The following SORCS2 variants were observed in gnomAD, a reference collection of about 807,000 sequenced individuals.
SORCS2 encodes sortilin related VPS10 domain containing receptor 2.
In SORCS2, 100 loss-of-function variants were observed where a neutral mutation model predicts 141.6. The ratio of observed to expected loss-of-function variants is 0.71; its 90% CI spans 0.60 to 0.83. The LOEUF (loss-of-function observed/expected upper bound fraction) is 0.83. Ranked by LOEUF, SORCS2 falls within the 40% of genes least tolerant of loss-of-function variation. The probability of loss-of-function intolerance (pLI) is 0.00; values close to 1 mark genes in which losing one functional copy is unlikely to be tolerated. For missense variants in SORCS2, 1,646 were observed against 1,560.2 expected (o/e 1.05, Z -0.93); for synonymous variants, 789 against 676.9 (o/e 1.17, Z -2.57).
chr4:7,689,398 C>A, intron 10 of SORCS2, 88 bp from the exon 11 acceptor site: 1 of 1,308,712 alleles, frequency 7.6e-7, no homozygotes, highest in Non-Finnish European at 1.1e-6. Flanking sequence ...CCCAAAAAGC[C>A]ACAGGGGCAG....
chr4:7,543,233 G>A (rs1052428729), intron 3 of SORCS2, among the ~76,000 whole-genome samples: 3 of 152,188 alleles, frequency 2.0e-5, no homozygotes, highest in Non-Finnish European at 2.9e-5. Flanking sequence ...GGAGACAAAC[G>A]GGGTGACAGA....
intron 4 of SORCS2, among the ~76,000 whole-genome samples, chr4:7,642,837 C>T (rs1197912337): frequency 6.6e-6 from 1 of 152,164 alleles, no homozygotes. Context: ...GCACACTATT[C>T]TCATGATGAG....
At chr4:7,624,660 T>A (rs1215259056) in intron 3 of SORCS2, among the ~76,000 whole-genome samples, 2 of 152,240 alleles carry the variant, frequency 1.3e-5, no homozygotes, top group Non-Finnish European at 2.9e-5. Context: ...AGGGGGCAGA[T>A]AAATGAACAA....
chr4:7,316,226 CCATCCAT>C (rs1718541556), intron 1 of SORCS2, among the ~76,000 whole-genome samples: 1 of 151,852 alleles, frequency 6.6e-6, no homozygotes, highest in South Asian at 2.1e-4. Flanking sequence ...ATCCATCCAT[CCATCCAT>C]CCATCCATCC....
intron 2 of SORCS2, among the ~76,000 whole-genome samples, chr4:7,482,123 A>G (rs1465737899): frequency 2.9e-5 from 1 of 34,312 alleles, no homozygotes; most frequent in Non-Finnish European, 5.3e-5. Context: ...GACACCCCTG[A>G]CGCTGTTCAG....
intron 2 of SORCS2, among the ~76,000 whole-genome samples, chr4:7,405,780 T>C (rs1724930159): frequency 6.6e-6 from 1 of 152,080 alleles, no homozygotes; most frequent in Non-Finnish European, 1.5e-5. Flanking sequence ...ATGTCATCAG[T>C]AAACAGGGAT....
At chr4:7,221,291 C>T (rs149058223) in intron 1 of SORCS2, among the ~76,000 whole-genome samples, 40 of 152,278 alleles carry the variant, frequency 2.6e-4, no homozygotes, top group Non-Finnish European at 5.0e-4. Flanking sequence ...GATGGGAGCT[C>T]GCTGCAAACA....
intron 2 of SORCS2, among the ~76,000 whole-genome samples, chr4:7,397,383 G>A (rs1487567792): frequency 2.0e-5 from 3 of 152,102 alleles, no homozygotes; most frequent in Non-Finnish European, 4.4e-5. Flanking sequence ...ATGAGGCCAA[G>A]CTCAGGGTTT....
intron 1 of SORCS2, among the ~76,000 whole-genome samples, chr4:7,244,562 G>A (rs993364583): frequency 1.2e-4 from 19 of 152,360 alleles, no homozygotes; most frequent in African/African-American, 3.4e-4. Flanking sequence ...GATGAAAAGC[G>A]TGAAGCAGGC....
At chr4:7,513,270 G>A (rs974407550) in intron 2 of SORCS2, among the ~76,000 whole-genome samples, 5 of 152,226 alleles carry the variant, frequency 3.3e-5, no homozygotes, top group Admixed American at 1.3e-4. Context: ...GGTTATTGCC[G>A]TGGATGAGTG....
At chr4:7,695,085 C>T (rs1183471794) in intron 11 of SORCS2, among the ~76,000 whole-genome samples, 1 of 151,672 alleles carries the variant, frequency 6.6e-6, no homozygotes, top group Non-Finnish European at 1.5e-5. Context: ...CAGCACAGGG[C>T]TGTGCAGAGA....
intron 1 of SORCS2, among the ~76,000 whole-genome samples, chr4:7,377,358 G>T (rs1048040960): frequency 1.8e-4 from 28 of 152,168 alleles, no homozygotes; most frequent in Non-Finnish European, 2.8e-4. Context: ...GGCTGTGACG[G>T]GGGGGACAGA....
At chr4:7,312,261 C>T (rs1489995552) in intron 1 of SORCS2, among the ~76,000 whole-genome samples, 1 of 152,212 alleles carries the variant, frequency 6.6e-6, no homozygotes, top group East Asian at 1.9e-4. Flanking sequence ...TTTGTCTGTG[C>T]ATTGTGCATT....
Position 7,450,486 on chromosome 4 carries a change from C to G in SORCS2, c.548+54131C>G, listed in dbSNP as rs150165007. Among the ~76,000 whole-genome samples the G allele has an allele frequency of 1.4e-4, 21 of 152,348 alleles. No homozygotes were observed. In the East Asian group the frequency reaches 4.0e-3, roughly 29 times the overall value. Reference sequence around the variant, plus strand: ...CTCAGCAGCTTCTGGGTAACTGTGACCCACATGCCAATGCCCCCATTCCAG... The same window carrying G: ...CTCAGCAGCTTCTGGGTAACTGTGAGCCACATGCCAATGCCCCCATTCCAG... On this transcript the variant is annotated intron_variant, in intron 2 of 26. Coordinates refer to ENST00000507866, the MANE Select transcript of SORCS2 (RefSeq NM_020777.3).
At chr4:7,641,817 G>GATGGATGT (rs1553897684) in intron 4 of SORCS2, among the ~76,000 whole-genome samples, 2,150 of 127,396 alleles carry the variant, frequency 0.017, 36 homozygotes, top group South Asian at 0.073. Flanking sequence ...TGGATGGATG[G>GATGGATGT]GTGGGTGGAT....
intron 3 of SORCS2, among the ~76,000 whole-genome samples, chr4:7,635,626 G>C (rs1720191868): frequency 6.6e-6 from 1 of 152,120 alleles, no homozygotes; most frequent in Non-Finnish European, 1.5e-5. Context: ...TTTTATTCAT[G>C]AGCACATAAG....
rs145229427 is a variant in SORCS2 at position 7,682,402 on chromosome 4, G to A, written c.1342-341G>A. 2.2e-4 allele frequency among the ~76,000 whole-genome samples: 33 copies of A among 152,294 alleles called. No individual in the cohort carries two copies. In the East Asian group the frequency reaches 6.0e-3, roughly 28 times the overall value. Reference sequence around the variant, plus strand: ...GAATCAGGACCTCTGAGGCAAGGATGGGGTGACTCTGAGGGACAGGCAGGT... The same window carrying A: ...GAATCAGGACCTCTGAGGCAAGGATAGGGTGACTCTGAGGGACAGGCAGGT... On this transcript the variant is annotated intron_variant, in intron 9 of 26. Transcript: ENST00000507866.
chr4:7,308,201 A>G (rs946215729), intron 1 of SORCS2, among the ~76,000 whole-genome samples: 9 of 152,102 alleles, frequency 5.9e-5, no homozygotes, highest in African/African-American at 1.9e-4. Context: ...TCCCTGCGTG[A>G]AACTCCTTTA....
chr4:7,681,306 G>A (rs1723511907), intron 9 of SORCS2, among the ~76,000 whole-genome samples: 1 of 152,198 alleles, frequency 6.6e-6, no homozygotes, highest in Admixed American at 6.5e-5. Flanking sequence ...AGATGACCTG[G>A]GTTATCTGGA....
Sources: gnomAD v4.1 joint callset for allele counts (sites outside exome capture counted in the v4.1 genomes callset) on GRCh38, gnomAD v4.1.1 for gene constraint, MANE v1.5 for transcripts, NCBI Gene and HGNC (gene_info 2026-07-23, HGNC 2026-07-21) for gene names.